Variants in TSHZ1 observed in about 807,000 individuals in gnomAD.
TSHZ1 encodes teashirt homolog 1.
TSHZ1 carries 12 observed loss-of-function variants against 67.1 expected under a neutral mutation model. The ratio of observed to expected loss-of-function variants is 0.18; its 90% CI spans 0.11 to 0.29. TSHZ1 has a LOEUF of 0.29. Ranked by LOEUF, TSHZ1 falls within the 10% of genes least tolerant of loss-of-function variation. The pLI is 1.00. For synonymous variants in TSHZ1, 632 were observed against 622.4 expected, an observed-to-expected ratio of 1.02 and a Z score of -0.23; for missense variants, 1,305 against 1,413.9, an observed-to-expected ratio of 0.92 and a Z score of 1.23.
intron 1 of TSHZ1, among the ~76,000 whole-genome samples, chr18:75,227,325 C>G (rs1163693427): frequency 6.6e-6 from 1 of 151,088 alleles, no homozygotes; most frequent in African/African-American, 2.4e-5. Context: ...TTCTTTTTCT[C>G]TGTTGCCTAG....
intron 1 of TSHZ1, among the ~76,000 whole-genome samples, chr18:75,251,496 T>TTTG (rs1235614098): frequency 1.4e-4 from 21 of 146,026 alleles, no homozygotes; most frequent in Middle Eastern, 3.4e-3. Flanking sequence ...CTTTAGGGTT[T>TTTG]TTTTTTTTTT....
intron 1 of TSHZ1, among the ~76,000 whole-genome samples, chr18:75,269,243 G>A (rs12966795): frequency 6.6e-6 from 1 of 152,198 alleles, no homozygotes; most frequent in Non-Finnish European, 1.5e-5. Flanking sequence ...GTTTGCTTTG[G>A]ATTACATGCA....
intron 1 of TSHZ1, among the ~76,000 whole-genome samples, chr18:75,247,295 G>A (rs375556235): frequency 7.4e-4 from 112 of 152,292 alleles, no homozygotes; most frequent in African/African-American, 2.6e-3. Flanking sequence ...GCTGCTGGGA[G>A]AGGTACCCCA....
intron 1 of TSHZ1, among the ~76,000 whole-genome samples, chr18:75,249,621 G>C (rs2023269591): frequency 6.6e-6 from 1 of 150,982 alleles, no homozygotes; most frequent in African/African-American, 2.4e-5. Flanking sequence ...TAGGTGTGTT[G>C]TGTGGGGGTG....
chr18:75,239,391 C>T (rs945265905), intron 1 of TSHZ1, among the ~76,000 whole-genome samples: 1 of 152,162 alleles, frequency 6.6e-6, no homozygotes, highest in Non-Finnish European at 1.5e-5. Flanking sequence ...ATACGGACAC[C>T]TTGACCATGT....
intron 1 of TSHZ1, among the ~76,000 whole-genome samples, chr18:75,249,391 A>G (rs2023264782): frequency 6.9e-6 from 1 of 145,112 alleles, no homozygotes; most frequent in Non-Finnish European, 1.5e-5. Context: ...CTACCCCTGC[A>G]GTAGGTGGCG....
At chr18:75,223,612 A>G (rs979097710) in intron 1 of TSHZ1, among the ~76,000 whole-genome samples, 1 of 147,750 alleles carries the variant, frequency 6.8e-6, no homozygotes, top group African/African-American at 2.5e-5. Context: ...GGCTTTTTTG[A>G]AAGACAGATT....
intron 1 of TSHZ1, among the ~76,000 whole-genome samples, chr18:75,230,366 G>A (rs1001254716): frequency 4.6e-5 from 7 of 152,148 alleles, no homozygotes; most frequent in South Asian, 2.1e-4. Context: ...CGCACCTTAC[G>A]GAGGGTCCTG....
At chr18:75,213,233 A>G (rs2022722439) in intron 1 of TSHZ1, among the ~76,000 whole-genome samples, 1 of 152,256 alleles carries the variant, frequency 6.6e-6, no homozygotes, top group Non-Finnish European at 1.5e-5. Context: ...TAGATCACTG[A>G]TAGAGATGCT....
intron 1 of TSHZ1, among the ~76,000 whole-genome samples, chr18:75,223,545 TCCTGGCCTGTCTTCTCCAGGC>T (rs1197402372): frequency 6.6e-6 from 1 of 152,072 alleles, no homozygotes; most frequent in Non-Finnish European, 1.5e-5. Flanking sequence ...ACAGTTGCTT[TCCTGGCCTGTCTTCTCCAGGC>T]CCTGGAATCG....
Position 75,287,040 on chromosome 18 carries a change from C to A in TSHZ1, c.1633C>A (p.Pro545Thr), listed in dbSNP as rs755572080. The change falls in exon 2 of 2, where the codon CCC becomes ACC. Residue 545 changes from proline (P) to threonine (T), a missense_variant. By Grantham distance (38) the Pro-to-Thr change is conservative. Around this residue, in one of 3 missense-constraint regions of TSHZ1, gnomAD observed 909 missense variants for 961.8 expected, o/e 0.95. Coordinates refer to ENST00000580243, the MANE Select transcript of TSHZ1 (RefSeq NM_001308210.2). This position sits in a 1 kb window ranked among gnomAD's most constrained non-coding sequence, Gnocchi z 5.0. ...GCGTGAGGAGGACCTGGACGACAGC[C>A]CCAAGGGAGGGCTGGACATTCTCAA... is the stretch of plus-strand genomic sequence containing the variant. Reference protein sequence around the residue: ...YLREEDLDDSPKGGLDILKSL... With the variant: ...YLREEDLDDSTKGGLDILKSL... The A allele has an allele frequency of 1.9e-6, 3 of 1,613,994 alleles. No homozygotes were observed. The highest frequency in any genetic ancestry group is 3.3e-5 in the Admixed American group (2 of 60,024).
At chr18:75,248,575 A>G (rs747093502) in intron 1 of TSHZ1, among the ~76,000 whole-genome samples, 1 of 152,228 alleles carries the variant, frequency 6.6e-6, no homozygotes, top group Non-Finnish European at 1.5e-5. Context: ...TGTAAATCCA[A>G]TTGACAGTTA....
At chr18:75,222,063 A>G (rs1473611496) in intron 1 of TSHZ1, among the ~76,000 whole-genome samples, 1 of 152,208 alleles carries the variant, frequency 6.6e-6, no homozygotes, top group Non-Finnish European at 1.5e-5. Context: ...TTGTCTGTAT[A>G]TGAAACACTA....
chr18:75,212,046 G>A, intron 1 of TSHZ1, 130 bp downstream of exon 1: 1 of 621,016 alleles, frequency 1.6e-6, no homozygotes, highest in Non-Finnish European at 2.2e-6. Flanking sequence ...CCCAGCCTGC[G>A]CTGGCCACAG....
intron 1 of TSHZ1, among the ~76,000 whole-genome samples, chr18:75,278,906 A>C (rs974693930): frequency 6.6e-6 from 1 of 152,076 alleles, no homozygotes; most frequent in Non-Finnish European, 1.5e-5. Context: ...TCACAGGTTT[A>C]ATATGGAGTC....
chr18:75,282,741 GA>G (rs2023701513), intron 1 of TSHZ1: 1 of 152,142 alleles, frequency 6.6e-6, no homozygotes, highest in Admixed American at 6.5e-5. Context: ...TGGGAGAAAG[GA>G]AGTTCTGTTG....
At chr18:75,214,334 A>G (rs1013291943) in intron 1 of TSHZ1, among the ~76,000 whole-genome samples, 2 of 152,230 alleles carry the variant, frequency 1.3e-5, no homozygotes, top group Non-Finnish European at 2.9e-5. Context: ...CTTCATCTTA[A>G]GCGTTTAATA....
At position 75,211,254 on chromosome 18, in the gene TSHZ1, G is replaced by A. The variant is rs2022678097; in HGVS notation, c.-623G>A. On this transcript the variant is annotated 5_prime_UTR_variant, in exon 1 of 2. Coordinates refer to ENST00000580243, the MANE Select transcript of TSHZ1 (RefSeq NM_001308210.2). ...CTCCCCCCGGCGCATGTATGTACGG[G>A]GGCTTCACTCCTCTGTCTTGTTTGC... is the stretch of plus-strand genomic sequence containing the variant. 6.6e-6 allele frequency: 1 copy of A among 152,030 alleles called. No individual in the cohort carries two copies. Among genetic ancestry groups the A allele is most frequent in the Non-Finnish European group, 1.5e-5 (1 of 68,062 alleles). 9.4% of individuals were successfully genotyped at this position (152,030 alleles called of 1,614,324 possible).
chr18:75,287,228 C>T lies in TSHZ1; in HGVS notation c.1821C>T (p.Gly607=), dbSNP rs770135258. 5.8e-5 allele frequency: 93 copies of T among 1,613,740 alleles called. 1 individual carries two copies. Among genetic ancestry groups the T allele is most frequent in the South Asian group, 5.7e-4 (52 of 91,058 alleles). Residue 607 remains glycine (G), a synonymous_variant, in exon 2 of 2, where the codon GGC becomes GGT. Transcript: ENST00000580243. The surrounding 1 kb of genome is among the most constrained non-coding windows in gnomAD (Gnocchi z 5.0). ...TGCAGGTGCAGCCGTCCTATGCTGGCGGCGTGAAGTCGCTGTCTTCCGCCG... is the reference window on the plus strand; with the variant it reads ...TGCAGGTGCAGCCGTCCTATGCTGGTGGCGTGAAGTCGCTGTCTTCCGCCG... ...QSVQVQPSYA[G]GVKSLSSAEH... is the part of the protein sequence containing the mutation.
Sources: allele counts gnomAD v4.1 joint callset (sites outside exome capture counted in the v4.1 genomes callset), GRCh38; gene constraint gnomAD v4.1.1; regional missense constraint gnomAD v4.1.1; non-coding constraint Gnocchi (gnomAD v3.1); transcripts MANE v1.5; gene names NCBI Gene and HGNC (gene_info 2026-07-23, HGNC 2026-07-21).